The following PKD1L1 variants were observed in gnomAD, a reference collection of about 807,000 sequenced individuals.
The protein encoded by PKD1L1 is polycystin 1 like 1, transient receptor potential channel interacting.
PKD1L1 carries 236 observed loss-of-function variants against 323.4 expected under a neutral mutation model. That is an observed-to-expected ratio of 0.73 (90% confidence interval 0.66 to 0.81). The LOEUF is 0.81. PKD1L1 is among the 40% of genes least tolerant of loss of function. The pLI is 0.00. For synonymous variants in PKD1L1, 1,344 were observed against 1,335.0 expected, an observed-to-expected ratio of 1.01 and a Z score of -0.15; for missense variants, 3,320 against 3,508.0, an observed-to-expected ratio of 0.95 and a Z score of 1.35.
chr7:47,872,619 G>GC (rs1215359031), intron 24 of PKD1L1, among the ~76,000 whole-genome samples: 1 of 152,158 alleles, frequency 6.6e-6, no homozygotes, highest in Admixed American at 6.5e-5. Flanking sequence ...TTAGAGAAAC[G>GC]CAAGTCCAAA....
At chr7:47,926,229 G>A (rs568821704) in intron 7 of PKD1L1, among the ~76,000 whole-genome samples, 27 of 152,236 alleles carry the variant, frequency 1.8e-4, no homozygotes, top group African/African-American at 6.3e-4. Flanking sequence ...TAAAATCTTT[G>A]GTCTTCACCA....
chr7:47,842,477 G>A (rs369262910), intron 34 of PKD1L1, among the ~76,000 whole-genome samples: 61 of 152,212 alleles, frequency 4.0e-4, no homozygotes, highest in African/African-American at 1.4e-3. Flanking sequence ...TGGCTCTGCC[G>A]GGCTCAATTT....
chr7:47,901,327 C>CAAAAAAAAAAAAAAAAAAAA, intron 13 of PKD1L1, among the ~76,000 whole-genome samples: 1 of 62,620 alleles, frequency 1.6e-5, no homozygotes, highest in Non-Finnish European at 3.6e-5. Flanking sequence ...AACAGAGTCT[C>CAAAAAAAAAAAAAAAAAAAA]AAAAAAAAAA....
Position 47,839,427 on chromosome 7 carries a change from C to A in PKD1L1, c.5769+19G>T. On this transcript the variant is annotated intron_variant, in intron 36 of 56. Coordinates refer to ENST00000289672, the MANE Select transcript of PKD1L1 (RefSeq NM_138295.5). The surrounding 1 kb of genome is among the most constrained non-coding windows in gnomAD (Gnocchi z 4.3). ...GGTCAGCCAGGTGCGCCACGAGAGG[C>A]CACCTGGAGGGAGCCTACCTTCCGG... is the stretch of plus-strand genomic sequence containing the variant. 1 of 1,587,194 alleles carries A rather than the reference C, an allele frequency of 6.3e-7. No homozygotes were observed. Among genetic ancestry groups the A allele is most frequent in the Admixed American group, 1.7e-5 (1 of 57,966 alleles).
chr7:47,840,520 C>A lies in PKD1L1; in HGVS notation c.5493G>T (p.Glu1831Asp). Residue 1831 changes from glutamate (E) to aspartate (D), a missense_variant, in exon 35 of 57, where the codon GAG becomes GAT. By Grantham distance (45) the Glu-to-Asp change is conservative. Coordinates refer to ENST00000289672, the MANE Select transcript of PKD1L1 (RefSeq NM_138295.5). This position sits in a 1 kb window ranked among gnomAD's most constrained non-coding sequence, Gnocchi z 4.1. ...CGDNGLSETK[E>D]LSCPEKPLFE... ...ACAGGGGCTTCTCTGGACAGGAGAG[C>A]TCCTTGGTTTCTGACAGTCCATTGT... 1 of 1,614,150 alleles carries A rather than the reference C, an allele frequency of 6.2e-7. No homozygotes were observed. The highest frequency in any genetic ancestry group is 8.5e-7 in the Non-Finnish European group (1 of 1,180,024).
At chr7:47,957,858 A>ATATATATATAT in the PKD1L1 span, among the ~76,000 whole-genome samples, 2 of 48,084 alleles carry the variant, frequency 4.2e-5, no homozygotes, top group Admixed American at 2.4e-4. Flanking sequence ...TACAATTAAA[A>ATATATATATAT]AAAAATATAT....
intron 46 of PKD1L1, among the ~76,000 whole-genome samples, chr7:47,820,152 T>C (rs552847950): frequency 6.6e-6 from 1 of 152,298 alleles, no homozygotes; most frequent in South Asian, 2.1e-4. Context: ...AGCCTAACCA[T>C]GGATTCAAGA....
the PKD1L1 span, among the ~76,000 whole-genome samples, chr7:47,955,879 T>C: frequency 2.0e-5 from 3 of 152,308 alleles, no homozygotes; most frequent in South Asian, 4.1e-4. Context: ...TATTTCCAGT[T>C]ATAACATACC....
chr7:47,924,616 C>T (rs1787623532), intron 7 of PKD1L1, among the ~76,000 whole-genome samples: 1 of 152,186 alleles, frequency 6.6e-6, no homozygotes, highest in Non-Finnish European at 1.5e-5. Context: ...TTAACCTTGC[C>T]TTATGAATGT....
intron 7 of PKD1L1, among the ~76,000 whole-genome samples, chr7:47,922,980 T>C (rs1455318854): frequency 6.6e-6 from 1 of 152,266 alleles, no homozygotes; most frequent in Non-Finnish European, 1.5e-5. Flanking sequence ...CATTTTGTTC[T>C]GTACTAAGAA....
intron 24 of PKD1L1, among the ~76,000 whole-genome samples, chr7:47,871,656 C>T (rs1410894745): frequency 6.6e-6 from 1 of 151,880 alleles, no homozygotes; most frequent in African/African-American, 2.4e-5. Context: ...AATTAATGGA[C>T]TAAGGGACAA....
At chr7:47,790,452 T>A (rs2128723151) in intron 56 of PKD1L1, among the ~76,000 whole-genome samples, 1 of 151,968 alleles carries the variant, frequency 6.6e-6, no homozygotes, top group Non-Finnish European at 1.5e-5. Flanking sequence ...TGCCTCAGCC[T>A]CCCGAGTAGC....
rs555227981 is a variant in PKD1L1 at position 47,946,574 on chromosome 7, A to T, written c.44+1823T>A. ...CATCACACAGCACACACCATGTATC[A>T]CACACACACCATACCCCACTCATAC... On this transcript the variant is annotated intron_variant, in intron 1 of 56. Transcript: ENST00000289672. This position sits in a 1 kb window ranked among gnomAD's most constrained non-coding sequence, Gnocchi z 4.1. 6.6e-6 allele frequency among the ~76,000 whole-genome samples: 1 copy of T among 151,062 alleles called. No homozygotes were observed. Among genetic ancestry groups the T allele is most frequent in the East Asian group, 2.0e-4 (1 of 5,128 alleles).
At position 47,873,950 on chromosome 7, in the gene PKD1L1, A is replaced by T. The variant is rs138130715; in HGVS notation, c.3845T>A (p.Val1282Glu). ...ATGGTAGCGGGGCAGCACAGTCACC[A>T]CCACAGTGCACGGCTGGACCTTGGA... ...KGSKVQPCTV[V>E]VTVLPRYHGN... The change falls in exon 24 of 57, where the codon GTG (valine) becomes GAG (glutamate). Residue 1282 changes from valine (V) to glutamate (E), a missense_variant. Transcript: ENST00000289672. The T allele has an allele frequency of 6.2e-4, 995 of 1,614,008 alleles. No homozygotes were observed. The highest frequency in any genetic ancestry group is 7.7e-4 in the Non-Finnish European group (910 of 1,179,918).
Position 47,877,951 on chromosome 7 carries a change from C to T in PKD1L1, c.3521-320G>A, listed in dbSNP as rs573863964. ...GGGTGGGGCAGGTACTATCCTAGGCCCTGGGGAGACAGAAGTGTCTCCCTA... is the reference window on the plus strand; with the variant it reads ...GGGTGGGGCAGGTACTATCCTAGGCTCTGGGGAGACAGAAGTGTCTCCCTA... On this transcript the variant is annotated intron_variant, in intron 21 of 56. Transcript: ENST00000289672. Among the ~76,000 whole-genome samples the T allele has an allele frequency of 6.6e-5, 10 of 151,718 alleles. No homozygotes were observed. The South Asian group carries it at 2.1e-3, about 32-fold the overall frequency.
rs531336260 is a variant in PKD1L1 at position 47,822,191 on chromosome 7, C to A, written c.6855-1005G>T. On this transcript the variant is annotated intron_variant, in intron 45 of 56. Transcript: ENST00000289672. ...GTATGTCTTAAATTCAGATAGTGTGCGTCCTCTGACTTTGCTCATTGTTTT... is the reference window on the plus strand; with the variant it reads ...GTATGTCTTAAATTCAGATAGTGTGAGTCCTCTGACTTTGCTCATTGTTTT... Among the ~76,000 whole-genome samples the A allele has an allele frequency of 5.9e-5, 9 of 152,236 alleles. No homozygotes were observed. The East Asian group carries it at 1.2e-3, about 20-fold the overall frequency.
intron 52 of PKD1L1, among the ~76,000 whole-genome samples, chr7:47,807,021 G>A (rs1346327312): frequency 6.6e-6 from 1 of 152,120 alleles, no homozygotes; most frequent in South Asian, 2.1e-4. Flanking sequence ...ACACACAGAC[G>A]GGACTCTGTC....
At chr7:47,890,323 T>C (rs186215254) in intron 16 of PKD1L1, among the ~76,000 whole-genome samples, 41 of 152,344 alleles carry the variant, frequency 2.7e-4, no homozygotes, top group Non-Finnish European at 5.1e-4. Flanking sequence ...TTAGCTAGTG[T>C]GCTTGGCTGT....
chr7:47,824,081 A>T (rs1433744011), intron 45 of PKD1L1, among the ~76,000 whole-genome samples: 1 of 152,216 alleles, frequency 6.6e-6, no homozygotes, highest in Non-Finnish European at 1.5e-5. Flanking sequence ...CCTAAGAAAC[A>T]TTCCAGGTTC....
Sources: allele counts gnomAD v4.1 joint callset (sites outside exome capture counted in the v4.1 genomes callset), GRCh38; gene constraint gnomAD v4.1.1; non-coding constraint Gnocchi (gnomAD v3.1); transcripts MANE v1.5; gene names NCBI Gene and HGNC (gene_info 2026-07-23, HGNC 2026-07-21).